Variants in HTR1E observed in about 807,000 individuals in gnomAD.
HTR1E encodes 5-HT-1E.
In HTR1E, 3 loss-of-function variants were observed where a neutral mutation model predicts 3.4. That is an observed-to-expected ratio of 0.89 (90% CI 0.41 to 2.31). The LOEUF (loss-of-function observed/expected upper bound fraction) is 2.31, where lower values mean the gene tolerates loss of function less well. HTR1E is among the 30% of genes most tolerant of loss of function. HTR1E has a pLI of 0.05. For missense variants in HTR1E, 392 were observed against 467.0 expected, an observed-to-expected ratio of 0.84 and a Z score of 1.48; for synonymous variants, 170 against 182.8, an observed-to-expected ratio of 0.93 and a Z score of 0.56.
intron 1 of HTR1E, among the ~76,000 whole-genome samples, chr6:87,012,728 G>A (rs1352097204): frequency 2.0e-5 from 3 of 152,194 alleles, no homozygotes; most frequent in Non-Finnish European, 2.9e-5. Context: ...CTATGTATTA[G>A]GCGTTGTTCT....
chr6:86,950,020 A>G (rs1767204975), intron 1 of HTR1E, among the ~76,000 whole-genome samples: 2 of 152,214 alleles, frequency 1.3e-5, no homozygotes, highest in South Asian at 2.1e-4. Context: ...AGAACGTGGC[A>G]TATGGCAAAT....
intron 1 of HTR1E, among the ~76,000 whole-genome samples, chr6:86,962,076 C>T (rs995690972): frequency 6.6e-6 from 1 of 152,112 alleles, no homozygotes; most frequent in African/African-American, 2.4e-5. Context: ...GTGTACAGCT[C>T]ATGACTGGCA....
chr6:86,994,259 TAGAGAA>T (rs1767907280), intron 1 of HTR1E, among the ~76,000 whole-genome samples: 1 of 151,912 alleles, frequency 6.6e-6, no homozygotes, highest in African/African-American at 2.4e-5. Flanking sequence ...TGGCAAAAGA[TAGAGAA>T]AAAGATTCAA....
chr6:86,957,696 A>C (rs1350771675), intron 1 of HTR1E, among the ~76,000 whole-genome samples: 1 of 152,252 alleles, frequency 6.6e-6, no homozygotes. Context: ...ATTTCTTACA[A>C]AATAAATTAT....
At chr6:86,962,066 G>C (rs1767416057) in intron 1 of HTR1E, among the ~76,000 whole-genome samples, 1 of 152,188 alleles carries the variant, frequency 6.6e-6, no homozygotes, top group African/African-American at 2.4e-5. Context: ...CAAGCACTGG[G>C]TGTACAGCTC....
intron 1 of HTR1E, among the ~76,000 whole-genome samples, chr6:86,949,695 T>C (rs1767199732): frequency 6.6e-6 from 1 of 152,076 alleles, no homozygotes; most frequent in South Asian, 2.1e-4. Context: ...CTAAAAATTA[T>C]GATTTTTATT....
At chr6:86,954,940 T>C (rs1767300207) in intron 1 of HTR1E, among the ~76,000 whole-genome samples, 1 of 152,180 alleles carries the variant, frequency 6.6e-6, no homozygotes. Context: ...CAGAGCACCA[T>C]CTCAAGATGT....
intron 1 of HTR1E, among the ~76,000 whole-genome samples, chr6:86,971,397 C>T (rs1767553973): frequency 6.6e-6 from 1 of 152,190 alleles, no homozygotes; most frequent in Non-Finnish European, 1.5e-5. Flanking sequence ...ACTCTCTAAA[C>T]TCTAAAAGAA....
chr6:87,006,805 C>T (rs1254986177), intron 1 of HTR1E, among the ~76,000 whole-genome samples: 1 of 152,180 alleles, frequency 6.6e-6, no homozygotes, highest in Non-Finnish European at 1.5e-5. Flanking sequence ...CCATTATCCT[C>T]AGCAAATGAA....
At chr6:86,941,153 A>G (rs558734226) in intron 1 of HTR1E, among the ~76,000 whole-genome samples, 8 of 152,340 alleles carry the variant, frequency 5.3e-5, no homozygotes, top group African/African-American at 1.9e-4. Context: ...AGGTCAGTCA[A>G]CTTACCAAAG....
chr6:86,961,843 G>A (rs1167494005), intron 1 of HTR1E, among the ~76,000 whole-genome samples: 4 of 152,214 alleles, frequency 2.6e-5, no homozygotes, highest in Non-Finnish European at 5.9e-5. Context: ...GTGAAGATCA[G>A]AACAGATTTC....
At chr6:86,969,593 T>G (rs1381896023) in intron 1 of HTR1E, among the ~76,000 whole-genome samples, 1 of 152,214 alleles carries the variant, frequency 6.6e-6, no homozygotes, top group Non-Finnish European at 1.5e-5. Context: ...TGCATTGTAT[T>G]GTCTGGTCTC....
At chr6:87,009,712 C>T (rs867623935) in intron 1 of HTR1E, among the ~76,000 whole-genome samples, 2 of 146,004 alleles carry the variant, frequency 1.4e-5, no homozygotes, top group Admixed American at 6.7e-5. Context: ...ACCTCCCTCC[C>T]GGACAGGGCG....
intron 1 of HTR1E, among the ~76,000 whole-genome samples, chr6:87,009,377 G>A (rs1031065313): frequency 6.6e-6 from 1 of 151,872 alleles, no homozygotes; most frequent in Non-Finnish European, 1.5e-5. Context: ...CAGGGTTGGG[G>A]GCAAGGTCAC....
At chr6:87,009,945 C>T (rs1269737700) in intron 1 of HTR1E, among the ~76,000 whole-genome samples, 4 of 123,352 alleles carry the variant, frequency 3.2e-5, no homozygotes, top group African/African-American at 6.6e-5. Flanking sequence ...TCCTCACTTC[C>T]CAGTAGGGGC....
chr6:87,009,739 G>A (rs1374142482), intron 1 of HTR1E, among the ~76,000 whole-genome samples: 3 of 144,728 alleles, frequency 2.1e-5, no homozygotes, highest in Non-Finnish European at 4.5e-5. Flanking sequence ...CGGGCAGAGG[G>A]GCTCCTCACT....
intron 1 of HTR1E, among the ~76,000 whole-genome samples, chr6:86,952,486 T>TAC (rs1303900035): frequency 6.9e-6 from 1 of 144,836 alleles, no homozygotes; most frequent in African/African-American, 2.7e-5. Flanking sequence ...GGCTTACACA[T>TAC]ACACACACAC....
chr6:86,949,672 T>A (rs939574657), intron 1 of HTR1E, among the ~76,000 whole-genome samples: 2 of 152,122 alleles, frequency 1.3e-5, no homozygotes, highest in Non-Finnish European at 2.9e-5. Flanking sequence ...TTATAGGTTA[T>A]CACAACTTGT....
Position 87,016,511 on chromosome 6 carries a change from T to C in HTR1E, c.*79T>C. On this transcript the variant is annotated 3_prime_UTR_variant, in exon 2 of 2. Coordinates refer to ENST00000305344, the MANE Select transcript of HTR1E (RefSeq NM_000865.3). ...GGTAAGGGGTGCAACTTATTAATTC[T>C]TGAACATACTTGGTTCAGGAGAGTT... 4.2e-6 allele frequency: 5 copies of C among 1,180,022 alleles called. No homozygotes were observed. The highest frequency in any genetic ancestry group is 4.8e-6 in the Non-Finnish European group (4 of 831,300). 73.1% of individuals were successfully genotyped at this position (1,180,022 alleles called of 1,614,324 possible).
Sources: gnomAD v4.1 joint callset for allele counts (sites outside exome capture counted in the v4.1 genomes callset) on GRCh38, gnomAD v4.1.1 for gene constraint, MANE v1.5 for transcripts, NCBI Gene and HGNC (gene_info 2026-07-23, HGNC 2026-07-21) for gene names.